The following TLK2 variants were observed in gnomAD, a reference collection of about 807,000 sequenced individuals.
The protein encoded by TLK2 is tousled like kinase 2, also known as serine/threonine-protein kinase tousled-like 2.
In TLK2, 6 loss-of-function variants were observed where a neutral mutation model predicts 117.3. The ratio of observed to expected loss-of-function variants is 0.05; its 90% CI spans 0.03 to 0.10. TLK2 has a LOEUF of 0.10. TLK2 is among the 10% of genes least tolerant of loss of function. The pLI is 1.00. For synonymous variants in TLK2, 257 were observed against 316.7 expected (o/e 0.81, Z 2.00); for missense variants, 299 against 901.2 (o/e 0.33, Z 8.56).
Position 62,560,066 on chromosome 17 carries a change from G to A in TLK2, c.771G>A (p.Glu257=). 6.2e-7 allele frequency: 1 copy of A among 1,612,078 alleles called. No homozygotes were observed. Among genetic ancestry groups the A allele is most frequent in the Non-Finnish European group, 8.5e-7 (1 of 1,179,036 alleles). ...RQIDEQQKML[E]KYKERLNRCV... is the part of the protein sequence containing the mutation. ...TTGATGAACAGCAAAAGATGCTAGA[G>A]AAATACAAGGAACGATTAAATAGAT... Residue 257 remains glutamate, a synonymous_variant, in exon 10 of 22, where the codon GAG becomes GAA. Coordinates refer to ENST00000346027, the MANE Select transcript of TLK2 (RefSeq NM_006852.6).
At chr17:62,479,514 G>A (rs1326060359) in intron 1 of TLK2, among the ~76,000 whole-genome samples, 4 of 152,090 alleles carry the variant, frequency 2.6e-5, no homozygotes, top group African/African-American at 7.2e-5. Flanking sequence ...CTGGGATTGG[G>A]GCCGGCGGCC....
chr17:62,584,149 C>T lies in TLK2; in HGVS notation c.1369-1986C>T, dbSNP rs1250652505. Among the ~76,000 whole-genome samples, 12 of 112,994 alleles carry T rather than the reference C, an allele frequency of 1.1e-4. No individual in the cohort carries two copies. The South Asian group carries it at 3.8e-3, about 35-fold the overall frequency. The allele number at this position is 112,994 out of a possible 152,430, so 74.1% of individuals were successfully genotyped here. A position where few individuals can be genotyped will look rare whatever the true frequency, so the allele number is the denominator to read the frequency against. On this transcript the variant is annotated intron_variant, in intron 15 of 21. Coordinates refer to ENST00000346027, the MANE Select transcript of TLK2 (RefSeq NM_006852.6). Reference sequence around the variant, plus strand: ...TTTTTTTTTGATACGGAATCTCGCTCTGTCGCCCAGGCTGGAGAGTGCAGT... The same window carrying T: ...TTTTTTTTTGATACGGAATCTCGCTTTGTCGCCCAGGCTGGAGAGTGCAGT...
At chr17:62,567,636 G>A (rs780511298) in intron 11 of TLK2, among the ~76,000 whole-genome samples, 2 of 152,198 alleles carry the variant, frequency 1.3e-5, no homozygotes, top group African/African-American at 4.8e-5. Context: ...AATAGCCTCA[G>A]AGGTCACAAT....
intron 6 of TLK2, among the ~76,000 whole-genome samples, chr17:62,531,644 G>T (rs2076749195): frequency 6.6e-6 from 1 of 152,054 alleles, no homozygotes; most frequent in African/African-American, 2.4e-5. Context: ...GATCTAGGAT[G>T]AATGAAGATG....
At chr17:62,586,054 A>G (rs1228090823) in intron 15 of TLK2, 81 bp from the exon 16 acceptor site, 7 of 1,032,636 alleles carry the variant, frequency 6.8e-6, no homozygotes, top group Non-Finnish European at 1.0e-5. Flanking sequence ...TGATTATGTT[A>G]TATGTTAAAT....
intron 13 of TLK2, among the ~76,000 whole-genome samples, chr17:62,578,095 T>G (rs2080944779): frequency 1.3e-5 from 2 of 152,142 alleles, no homozygotes; most frequent in South Asian, 4.1e-4. Flanking sequence ...TAATCCATAC[T>G]TAAAGATGAG....
At chr17:62,525,866 T>C (rs1481078979) in intron 6 of TLK2, among the ~76,000 whole-genome samples, 1 of 152,230 alleles carries the variant, frequency 6.6e-6, no homozygotes, top group East Asian at 1.9e-4. Context: ...TTTTCTTAAG[T>C]TTCAAACCAA....
At chr17:62,548,577 G>A (rs1301091399) in intron 7 of TLK2, among the ~76,000 whole-genome samples, 2 of 150,760 alleles carry the variant, frequency 1.3e-5, no homozygotes, top group African/African-American at 2.4e-5. Context: ...CACTGCACCC[G>A]GCCCTATGTG....
At chr17:62,534,879 G>GTCTTTTT (rs2077000162) in intron 6 of TLK2, among the ~76,000 whole-genome samples, 1 of 107,432 alleles carries the variant, frequency 9.3e-6, no homozygotes, top group Non-Finnish European at 1.9e-5. Flanking sequence ...GATAATTCCA[G>GTCTTTTT]TCTTTTTTTT....
At chr17:62,487,780 C>A (rs1306309498) in intron 2 of TLK2, among the ~76,000 whole-genome samples, 1 of 150,910 alleles carries the variant, frequency 6.6e-6, no homozygotes, top group Non-Finnish European at 1.5e-5. Flanking sequence ...TGCGCCAACA[C>A]GCCCGGCTAA....
chr17:62,563,445 A>G (rs186851881), intron 10 of TLK2, among the ~76,000 whole-genome samples: 6 of 152,282 alleles, frequency 3.9e-5, no homozygotes, highest in Non-Finnish European at 5.9e-5. Context: ...CCTGTCTCTT[A>G]AAATAAAAAA....
rs540049006 is a variant in TLK2, at chr17:62,578,975, T to C, written c.1286+401T>C. Among the ~76,000 whole-genome samples, 5 of 152,316 alleles carry C rather than the reference T, an allele frequency of 3.3e-5. No individual in the cohort carries two copies. The South Asian group carries it at 8.3e-4, about 25-fold the overall frequency. On this transcript the variant is annotated intron_variant, in intron 14 of 21. Coordinates refer to ENST00000346027, the MANE Select transcript of TLK2 (RefSeq NM_006852.6). The stretch of plus-strand genomic sequence containing the variant: ...GTTGAGATGACACTCGGTTTCTGAA[T>C]GACCTTTAAGGGCTATTCAGGTGTT...
At position 62,594,789 on chromosome 17, in the gene TLK2, T is replaced by TACACAC. The variant is rs143695451; in HGVS notation, c.1461-1759_1461-1754dup. Among the ~76,000 whole-genome samples the TACACAC allele has an allele frequency of 2.8e-3, 408 of 145,510 alleles. 1 individual carries two copies. The highest frequency in any genetic ancestry group is 7.2e-3 in the Middle Eastern group (2 of 278). ...GGATGCCATCCCATTGCAGGGCGGGTACACACACACACACACACACACACA... is the reference window on the plus strand; with the variant it reads ...GGATGCCATCCCATTGCAGGGCGGGTACACACACACACACACACACACACACACACA... On this transcript the variant is annotated intron_variant, in intron 16 of 21. Coordinates refer to ENST00000346027, the MANE Select transcript of TLK2 (RefSeq NM_006852.6).
chr17:62,600,596 G>C (rs913344522), intron 17 of TLK2, 55 bp from the exon 18 acceptor site: 33 of 1,486,038 alleles, frequency 2.2e-5, no homozygotes, highest in Non-Finnish European at 2.9e-5. Context: ...AATTTAGGTA[G>C]TGTTAATCTG....
At chr17:62,525,420 A>G (rs2076305242) in intron 6 of TLK2, among the ~76,000 whole-genome samples, 1 of 151,296 alleles carries the variant, frequency 6.6e-6, no homozygotes. Context: ...AGTTTTGGCT[A>G]TTACTGTGTC....
At chr17:62,586,307 A>T in intron 16 of TLK2, 81 bp downstream of exon 16, 1 of 985,816 alleles carries the variant, frequency 1.0e-6, no homozygotes, top group Non-Finnish European at 1.6e-6. Flanking sequence ...CTTTACGTGC[A>T]TTGTTGTTGG....
In TLK2 at chr17:62,564,860, G is replaced by A. The variant is rs1444274525; in HGVS notation, c.832-141G>A. ...TGAATAGGAATAGTTAGTCATCCGAGGAGTCATTACTGACTGTTCTGAGAA... is the reference window on the plus strand; with the variant it reads ...TGAATAGGAATAGTTAGTCATCCGAAGAGTCATTACTGACTGTTCTGAGAA... On this transcript the variant is annotated intron_variant, in intron 10 of 21. Coordinates refer to ENST00000346027, the MANE Select transcript of TLK2 (RefSeq NM_006852.6). The A allele has an allele frequency of 7.0e-6, 7 of 1,004,724 alleles. No homozygotes were observed. The East Asian group carries it at 8.2e-5, about 12-fold the overall frequency. 62.2% of individuals were successfully genotyped at this position (1,004,724 alleles called of 1,614,324 possible).
At chr17:62,574,545 T>G (rs1161274460) in intron 12 of TLK2, 4 of 618,274 alleles carry the variant, frequency 6.5e-6, no homozygotes, top group Admixed American at 5.3e-5. Context: ...TGAGACGAAG[T>G]CTCACTCCGT....
At chr17:62,477,256 TCCTCCATCTTGCCCTCTTTTCCTAC>T (rs2071079261), upstream of TLK2, among the ~76,000 whole-genome samples, 1 of 152,144 alleles carries the variant, frequency 6.6e-6, no homozygotes, top group Admixed American at 6.6e-5. Context: ...CGAGTGGTAG[TCCTCCATCTTGCCCTCTTTTCCTAC>T]CCTCTACCCC....
Sources: allele counts gnomAD v4.1 joint callset (sites outside exome capture counted in the v4.1 genomes callset), GRCh38; gene constraint gnomAD v4.1.1; transcripts MANE v1.5; gene names NCBI Gene and HGNC (gene_info 2026-07-23, HGNC 2026-07-21).